GALK2: variants seen among roughly 807,000 people sequenced by gnomAD.
The protein encoded by GALK2 is N-acetylgalactosamine kinase.
A neutral mutation model predicts 52.4 loss-of-function variants in GALK2; 36 were observed. That is an observed-to-expected ratio of 0.69 (90% confidence interval 0.53 to 0.91). GALK2 has a LOEUF of 0.91. Ranked by LOEUF, GALK2 falls within the 40% of genes least tolerant of loss-of-function variation. GALK2 has a pLI of 0.00. For missense variants in GALK2, 579 were observed against 559.1 expected, an observed-to-expected ratio of 1.04 and a Z score of -0.36; for synonymous variants, 176 against 199.1, an observed-to-expected ratio of 0.88 and a Z score of 0.98.
At chr15:49,184,008 T>A (rs530064912) in intron 1 of GALK2, among the ~76,000 whole-genome samples, 2 of 152,302 alleles carry the variant, frequency 1.3e-5, no homozygotes, top group East Asian at 3.9e-4. Flanking sequence ...AGATTACGTC[T>A]CATGTTTCTT....
chr15:49,305,729 A>G (rs2035494492), intron 8 of GALK2, among the ~76,000 whole-genome samples: 1 of 152,210 alleles, frequency 6.6e-6, no homozygotes, highest in Non-Finnish European at 1.5e-5. Context: ...GAAGATCACA[A>G]GGGAAAGAGT....
At chr15:49,192,055 C>T (rs1447381717) in intron 1 of GALK2, among the ~76,000 whole-genome samples, 1 of 152,062 alleles carries the variant, frequency 6.6e-6, no homozygotes, top group Admixed American at 6.6e-5. Context: ...GGAACCTCTT[C>T]AGGTGGGTTT....
intron 8 of GALK2, among the ~76,000 whole-genome samples, chr15:49,292,903 A>G (rs1459490242): frequency 6.6e-6 from 1 of 152,146 alleles, no homozygotes; most frequent in Non-Finnish European, 1.5e-5. Flanking sequence ...GGAACACTAT[A>G]AAGTGTTCAC....
chr15:49,290,928 T>C (rs12591134), intron 7 of GALK2, among the ~76,000 whole-genome samples: 14,143 of 152,206 alleles, frequency 0.093, 1,976 homozygotes, highest in African/African-American at 0.31. Context: ...AACTCTGTTA[T>C]TAACTAGTTG....
intron 3 of GALK2, among the ~76,000 whole-genome samples, chr15:49,228,688 T>TACATATA: frequency 2.9e-4 from 3 of 10,444 alleles, no homozygotes; most frequent in Admixed American, 1.5e-3. Flanking sequence ...TATATATATA[T>TACATATA]TTTTTTTTTT....
intron 3 of GALK2, among the ~76,000 whole-genome samples, chr15:49,362,765 A>G (rs1290576960): frequency 1.3e-5 from 2 of 151,922 alleles, no homozygotes; most frequent in East Asian, 1.9e-4. Context: ...TAGGTCTTAC[A>G]CTTAAGTCTT....
At chr15:49,248,750 A>G (rs2091464334) in intron 5 of GALK2, among the ~76,000 whole-genome samples, 1 of 152,106 alleles carries the variant, frequency 6.6e-6, no homozygotes, top group Non-Finnish European at 1.5e-5. Flanking sequence ...ACACTAAGCT[A>G]TTTGTCTTTG....
chr15:49,234,501 A>G (rs1042864519), intron 3 of GALK2, among the ~76,000 whole-genome samples: 1 of 152,020 alleles, frequency 6.6e-6, no homozygotes, highest in Non-Finnish European at 1.5e-5. Context: ...ATGGCGGGGG[A>G]AGCCTCACAA....
intron 1 of GALK2, among the ~76,000 whole-genome samples, chr15:49,196,410 G>T (rs2087239378): frequency 6.6e-6 from 1 of 152,020 alleles, no homozygotes; most frequent in Non-Finnish European, 1.5e-5. Context: ...TAAGAAATTT[G>T]CAGGTAGGAA....
At position 49,327,993 on chromosome 15, in the gene GALK2, G is replaced by C. The variant is rs754598196; in HGVS notation, c.1211G>C (p.Trp404Ser). The C allele has an allele frequency of 4.3e-6, 7 of 1,613,740 alleles. No individual in the cohort carries two copies. Among genetic ancestry groups the C allele is most frequent in the Non-Finnish European group, 5.9e-6 (7 of 1,179,794 alleles). ...GGGTCACGACTTACTGGAGCAGGAT[G>C]GGGAGGCTGCACAGTATCAATGGTA... Reference protein sequence around the residue: ...AQGSRLTGAGWGGCTVSMVPA... With the variant: ...AQGSRLTGAGSGGCTVSMVPA... The change falls in exon 10 of 10, where the codon TGG becomes TCG. Residue 404 changes from tryptophan (W) to serine (S), a missense_variant. Trp to Ser is a radical substitution (Grantham distance 177). Coordinates refer to ENST00000560031, the MANE Select transcript of GALK2 (RefSeq NM_002044.4).
intron 3 of GALK2, chr15:49,366,103 T>C: frequency 1.1e-6 from 1 of 933,100 alleles, no homozygotes; most frequent in South Asian, 1.3e-5. Flanking sequence ...AGTTTTCCAA[T>C]TCAACTAGTC....
intron 2 of GALK2, 83 bp from the exon 3 acceptor site, chr15:49,217,107 G>GT (rs2089441201): frequency 4.7e-6 from 6 of 1,281,748 alleles, no homozygotes; most frequent in Non-Finnish European, 6.5e-6. Context: ...CTCATGGTCA[G>GT]TTTTTTCCTG....
intron 3 of GALK2, among the ~76,000 whole-genome samples, chr15:49,350,649 G>A (rs780405330): frequency 5.3e-5 from 8 of 152,070 alleles, no homozygotes; most frequent in Non-Finnish European, 1.0e-4. Context: ...CCCCTATGAG[G>A]GTACTGTGAT....
upstream of GALK2, among the ~76,000 whole-genome samples, chr15:49,165,803 T>TC (rs1231172479): frequency 6.7e-6 from 1 of 149,358 alleles, no homozygotes. Flanking sequence ...TGTATTTCTT[T>TC]TTTTTTTTTT....
At chr15:49,338,153 G>A (rs2040080827) in intron 3 of GALK2, among the ~76,000 whole-genome samples, 1 of 152,196 alleles carries the variant, frequency 6.6e-6, no homozygotes, top group South Asian at 2.1e-4. Flanking sequence ...ATTGTTATGT[G>A]TGAACTGGAT....
intron 1 of GALK2, among the ~76,000 whole-genome samples, chr15:49,171,681 G>T (rs1276673024): frequency 6.6e-6 from 1 of 151,808 alleles, no homozygotes; most frequent in Admixed American, 6.6e-5. Context: ...TTATATATTT[G>T]AATTAATTAA....
chr15:49,182,786 C>T (rs886712412), intron 1 of GALK2, among the ~76,000 whole-genome samples: 12 of 151,948 alleles, frequency 7.9e-5, no homozygotes, highest in Non-Finnish European at 1.6e-4. Flanking sequence ...ATTTTTATGT[C>T]TTTTGAAAAA....
chr15:49,256,330 T>C (rs906859171), intron 5 of GALK2, among the ~76,000 whole-genome samples: 2 of 152,204 alleles, frequency 1.3e-5, no homozygotes, highest in African/African-American at 4.8e-5. Context: ...AAGCCAGAGC[T>C]TCTGCAGGGA....
At chr15:49,265,822 A>G (rs1397455033) in intron 5 of GALK2, among the ~76,000 whole-genome samples, 1 of 152,216 alleles carries the variant, frequency 6.6e-6, no homozygotes, top group Non-Finnish European at 1.5e-5. Context: ...AAATATTCCA[A>G]AAGCGCTTGT....
Sources: allele counts gnomAD v4.1 joint callset (sites outside exome capture counted in the v4.1 genomes callset), GRCh38; gene constraint gnomAD v4.1.1; transcripts MANE v1.5; gene names NCBI Gene and HGNC (gene_info 2026-07-23, HGNC 2026-07-21).